Variants in PPARGC1A observed in about 807,000 individuals in gnomAD.
PPARGC1A encodes the protein PPARG coactivator 1 alpha, also known as peroxisome proliferator-activated receptor gamma coactivator 1-alpha.
In PPARGC1A, 25 loss-of-function variants were observed where a neutral mutation model predicts 88.7. The ratio of observed to expected loss-of-function variants is 0.28; its 90% CI spans 0.21 to 0.39. The LOEUF (loss-of-function observed/expected upper bound fraction) is 0.39. Ranked by LOEUF, PPARGC1A falls within the 10% of genes least tolerant of loss-of-function variation. PPARGC1A has a pLI of 1.00. For missense variants in PPARGC1A, 880 were observed against 968.7 expected (o/e 0.91, Z 1.22); for synonymous variants, 363 against 355.6 (o/e 1.02, Z -0.24).
chr4:24,467,295 T>C, the PPARGC1A span, among the ~76,000 whole-genome samples: 1 of 152,154 alleles, frequency 6.6e-6, no homozygotes, highest in Non-Finnish European at 1.5e-5. Context: ...GTGAGCTGGA[T>C]TTACAGGAGG....
At chr4:24,299,251 G>A in the PPARGC1A span, among the ~76,000 whole-genome samples, 3 of 152,040 alleles carry the variant, frequency 2.0e-5, no homozygotes, top group Non-Finnish European at 4.4e-5. Context: ...AGCATGAATC[G>A]CCACAGCTGA....
At chr4:23,910,370 AT>A in the PPARGC1A span, among the ~76,000 whole-genome samples, 1,475 of 102,034 alleles carry the variant, frequency 0.014, 40 homozygotes, top group East Asian at 0.085. Flanking sequence ...TATATATTAT[AT>A]TATATTATAT....
the PPARGC1A span, among the ~76,000 whole-genome samples, chr4:24,001,320 C>G: frequency 6.6e-6 from 1 of 152,112 alleles, no homozygotes; most frequent in African/African-American, 2.4e-5. Context: ...TATTTTTCCA[C>G]GTTGAATCTG....
the PPARGC1A span, among the ~76,000 whole-genome samples, chr4:24,336,229 G>T: frequency 1.3e-5 from 2 of 152,114 alleles, no homozygotes; most frequent in Non-Finnish European, 2.9e-5. Context: ...CTCCCTGTTG[G>T]CAAGTGCTTT....
the PPARGC1A span, among the ~76,000 whole-genome samples, chr4:24,046,396 C>G: frequency 6.6e-6 from 1 of 152,158 alleles, no homozygotes; most frequent in Admixed American, 6.5e-5. Context: ...TCTTCCATCT[C>G]TCTCAAAGGA....
the PPARGC1A span, among the ~76,000 whole-genome samples, chr4:24,357,278 G>T: frequency 6.6e-6 from 1 of 152,126 alleles, no homozygotes; most frequent in South Asian, 2.1e-4. Context: ...TCTGGGGGAG[G>T]TCACACACAG....
chr4:24,240,526 T>C, the PPARGC1A span, among the ~76,000 whole-genome samples: 1 of 152,208 alleles, frequency 6.6e-6, no homozygotes, highest in East Asian at 1.9e-4. Context: ...AATCATAAAA[T>C]AAATTAAACT....
At chr4:23,945,996 C>A in the PPARGC1A span, among the ~76,000 whole-genome samples, 12 of 152,040 alleles carry the variant, frequency 7.9e-5, no homozygotes, top group Admixed American at 2.6e-4. Flanking sequence ...GGACACAAAG[C>A]GACAGGCCGG....
chr4:24,111,913 T>C, the PPARGC1A span, among the ~76,000 whole-genome samples: 1 of 152,160 alleles, frequency 6.6e-6, no homozygotes, highest in African/African-American at 2.4e-5. Context: ...GCCCAAATAG[T>C]TTTACTTCAT....
intron 7 of PPARGC1A, among the ~76,000 whole-genome samples, chr4:23,818,953 G>A (rs997202546): frequency 7.2e-6 from 1 of 138,696 alleles, no homozygotes; most frequent in African/African-American, 2.7e-5. Flanking sequence ...TGCATATGTT[G>A]CATGCCAATT....
chr4:23,828,274 G>T, intron 5 of PPARGC1A, 126 bp downstream of exon 5: 1 of 1,000,026 alleles, frequency 1.0e-6, no homozygotes, highest in Non-Finnish European at 1.5e-6. Flanking sequence ...AATAAGTGCT[G>T]AATTCTCTTT....
the PPARGC1A span, among the ~76,000 whole-genome samples, chr4:24,471,028 G>A: frequency 1.3e-5 from 2 of 151,336 alleles, no homozygotes; most frequent in Non-Finnish European, 3.0e-5. The surrounding 1 kb of genome is among the most constrained non-coding windows in gnomAD (Gnocchi z 5.4). Flanking sequence ...GGGAGGGAGC[G>A]CGCCAGCGCC....
At chr4:24,103,720 C>G in the PPARGC1A span, among the ~76,000 whole-genome samples, 5 of 151,980 alleles carry the variant, frequency 3.3e-5, no homozygotes, top group Non-Finnish European at 1.5e-5. Flanking sequence ...GGTGCTGAAG[C>G]CTACTCTAGT....
the PPARGC1A span, among the ~76,000 whole-genome samples, chr4:24,230,604 C>A: frequency 1.3e-5 from 2 of 151,950 alleles, no homozygotes; most frequent in African/African-American, 4.8e-5. Context: ...TAATTTAAAC[C>A]CTGAGGACAG....
the PPARGC1A span, among the ~76,000 whole-genome samples, chr4:24,059,428 C>T: frequency 7.9e-5 from 12 of 152,172 alleles, no homozygotes; most frequent in Non-Finnish European, 1.6e-4. Flanking sequence ...ATAACAAGCC[C>T]AAGCAAGCTG....
At chr4:24,164,694 C>T in the PPARGC1A span, among the ~76,000 whole-genome samples, 3 of 152,184 alleles carry the variant, frequency 2.0e-5, no homozygotes, top group East Asian at 1.9e-4. Context: ...TTACTGAAAG[C>T]ACTGCCACAT....
At chr4:23,962,123 AT>A in the PPARGC1A span, among the ~76,000 whole-genome samples, 2 of 151,236 alleles carry the variant, frequency 1.3e-5, no homozygotes, top group African/African-American at 4.9e-5. Flanking sequence ...TCATCTTTTT[AT>A]TTTTTTTTAA....
the PPARGC1A span, among the ~76,000 whole-genome samples, chr4:24,285,369 C>A: frequency 2.0e-5 from 3 of 152,130 alleles, no homozygotes; most frequent in South Asian, 2.1e-4. Context: ...TGGTGAGATA[C>A]ACAAGCACAT....
the PPARGC1A span, among the ~76,000 whole-genome samples, chr4:24,066,849 G>GTTTTTTTTTTTTTTTTTTTTTTTGTTT: frequency 2.0e-5 from 2 of 100,878 alleles, no homozygotes; most frequent in Non-Finnish European, 3.9e-5. Context: ...TTTGTTTTGG[G>GTTTTTTTTTTTTTTTTTTTTTTTGTTT]TTTTTTTTTT....
Sources: allele counts gnomAD v4.1 joint callset (sites outside exome capture counted in the v4.1 genomes callset), GRCh38; gene constraint gnomAD v4.1.1; non-coding constraint Gnocchi (gnomAD v3.1); transcripts MANE v1.5; gene names NCBI Gene and HGNC (gene_info 2026-07-23, HGNC 2026-07-21).